Variants in UNC13B observed in about 807,000 individuals in gnomAD.
UNC13B encodes the protein protein unc-13 homolog B.
UNC13B carries 144 observed loss-of-function variants against 211.0 expected under a neutral mutation model. The ratio of observed to expected loss-of-function variants is 0.68; its 90% CI spans 0.60 to 0.78. UNC13B has a LOEUF of 0.78. Ranked by LOEUF, UNC13B falls within the 30% of genes least tolerant of loss-of-function variation. The pLI is 0.00. For missense variants in UNC13B, 1,777 were observed against 2,002.0 expected (o/e 0.89, Z 2.14); for synonymous variants, 709 against 725.8 (o/e 0.98, Z 0.37).
At chr9:35,309,727 T>A (rs1230802671) in intron 9 of UNC13B, among the ~76,000 whole-genome samples, 1 of 152,114 alleles carries the variant, frequency 6.6e-6, no homozygotes, top group Non-Finnish European at 1.5e-5. Flanking sequence ...GATCCTGGAG[T>A]TGGACTTTGT....
Position 35,376,122 on chromosome 9 carries a change from C to T in UNC13B, c.9710C>T (p.Pro3237Leu), listed in dbSNP as rs1274299119. 1.9e-6 allele frequency: 3 copies of T among 1,614,272 alleles called. No homozygotes were observed. Among genetic ancestry groups the T allele is most frequent in the Non-Finnish European group, 2.5e-6 (3 of 1,180,050 alleles). Residue 3237 changes from proline to leucine, a missense_variant, in exon 15 of 40, where the codon CCA (proline) becomes CTA (leucine). Physicochemically the swap from Pro to Leu is moderately conservative, Grantham distance 98. Coordinates refer to ENST00000635942, the MANE Select transcript of UNC13B (RefSeq NM_001371189.2). ...HNFEVWTATT[P>L]TYCYECEGLL... ...TTTGAGGTCTGGACGGCCACTACCC[C>T]AACCTACTGCTATGAGTGTGAAGGC...
At chr9:35,367,115 C>T in intron 12 of UNC13B, 122 bp downstream of exon 12, 1 of 988,640 alleles carries the variant, frequency 1.0e-6, no homozygotes, top group South Asian at 1.4e-5. Context: ...GGAAAAGGTT[C>T]CACTATAGGT....
chr9:35,234,289 A>C (rs1455330755), intron 3 of UNC13B, among the ~76,000 whole-genome samples: 1 of 152,018 alleles, frequency 6.6e-6, no homozygotes, highest in Non-Finnish European at 1.5e-5. Context: ...CTAATTAAAA[A>C]AAATTTTTCT....
rs375835964 is a variant in UNC13B at position 35,338,233 on chromosome 9, C to T, written c.9414+24244C>T. ...ACAGGCTGAAAACCTAACTGGTTAG[C>T]TGGCCAGTTCCAAGAAGTTTATCAG... On this transcript the variant is annotated intron_variant, in intron 11 of 39. Coordinates refer to ENST00000635942, the MANE Select transcript of UNC13B (RefSeq NM_001371189.2). Among the ~76,000 whole-genome samples the T allele has an allele frequency of 6.3e-4, 96 of 152,298 alleles. 1 individual carries two copies. In the South Asian group the frequency reaches 0.015, roughly 24 times the overall value.
chr9:35,306,405 C>A lies in UNC13B; in HGVS notation c.7001C>A (p.Pro2334His), dbSNP rs950981257. The change falls in exon 9 of 40, where the codon CCT (proline) becomes CAT (histidine). Residue 2334 changes from proline to histidine, a missense_variant. Pro to His is a moderately conservative substitution (Grantham distance 77, BLOSUM62 -2). Transcript: ENST00000635942. ...MNELQKDIIP[P>H]SPEFQAQAET... ...GAATTGCAAAAAGACATTATTCCTC[C>A]TTCACCAGAATTTCAGGCACAGGCT... The A allele has an allele frequency of 2.0e-5, 8 of 398,876 alleles. No homozygotes were observed. Among genetic ancestry groups the A allele is most frequent in the Non-Finnish European group, 3.1e-5 (7 of 226,062 alleles). 24.7% of individuals were successfully genotyped at this position (398,876 alleles called of 1,614,324 possible).
intron 8 of UNC13B, among the ~76,000 whole-genome samples, chr9:35,297,561 T>TTTTTTTTTTTTTTTTTTTTGTTTTTTTG: frequency 1.1e-4 from 14 of 128,226 alleles, no homozygotes; most frequent in South Asian, 2.5e-4. Context: ...TTTTTTTTTT[T>TTTTTTTTTTTTTTTTTTTTGTTTTTTTG]TTTTTTGAGA....
Position 35,396,577 on chromosome 9 carries a change from C to T in UNC13B, c.11410C>T (p.Gln3804Ter). Residue 3804 changes from glutamine (Q) to a stop codon, truncating the protein, a stop_gained, in exon 27 of 40, where the codon CAG becomes TAG. Transcript: ENST00000635942. LOFTEE classifies it high-confidence loss of function. ...NEYVRDLPVL[Q>*]GQVPEYPAWF... ...ATACGTGCGGGATCTGCCTGTCCTC[C>T]AGGGGCAGGTGCCTGAGTACCCAGC... 1 of 1,614,104 alleles carries T rather than the reference C, an allele frequency of 6.2e-7. No individual in the cohort carries two copies. Among genetic ancestry groups the T allele is most frequent in the Non-Finnish European group, 8.5e-7 (1 of 1,180,032 alleles).
chr9:35,366,421 A>G (rs1194351764), intron 11 of UNC13B, among the ~76,000 whole-genome samples: 1 of 152,154 alleles, frequency 6.6e-6, no homozygotes, highest in Non-Finnish European at 1.5e-5. Flanking sequence ...TATTAAATAG[A>G]GAGAATATAC....
intron 3 of UNC13B, among the ~76,000 whole-genome samples, chr9:35,235,449 C>T (rs974825032): frequency 4.6e-5 from 7 of 152,026 alleles, no homozygotes; most frequent in East Asian, 1.9e-4. Flanking sequence ...CCCCCCGCCC[C>T]GCCCCGGCTT....
intron 6 of UNC13B, among the ~76,000 whole-genome samples, chr9:35,255,045 T>C (rs1270045906): frequency 6.7e-5 from 8 of 119,472 alleles, no homozygotes; most frequent in Middle Eastern, 3.7e-3. Context: ...ATATATTATA[T>C]ATAATATAAT....
chr9:35,381,756 A>T (rs771098676), intron 20 of UNC13B, 37 bp downstream of exon 20: 1 of 1,603,688 alleles, frequency 6.2e-7, no homozygotes, highest in South Asian at 1.1e-5. Context: ...GTGGCTACTA[A>T]TCACTGGGGT....
At chr9:35,372,430 G>A (rs1341858400) in intron 13 of UNC13B, among the ~76,000 whole-genome samples, 1 of 152,252 alleles carries the variant, frequency 6.6e-6, no homozygotes, top group East Asian at 1.9e-4. Flanking sequence ...TAAAGCTTGG[G>A]CTTGGCAGAT....
At chr9:35,357,776 G>A (rs563105550) in intron 11 of UNC13B, among the ~76,000 whole-genome samples, 9 of 151,984 alleles carry the variant, frequency 5.9e-5, no homozygotes, top group African/African-American at 1.9e-4. Context: ...CATAAAATGT[G>A]TTATTTAAAC....
intron 1 of UNC13B, among the ~76,000 whole-genome samples, chr9:35,208,831 A>G (rs904209938): frequency 6.6e-6 from 1 of 152,122 alleles, no homozygotes. Flanking sequence ...AATCGAAACC[A>G]TATCACTCTG....
chr9:35,338,968 G>A (rs1831824815), intron 11 of UNC13B, among the ~76,000 whole-genome samples: 1 of 152,200 alleles, frequency 6.6e-6, no homozygotes, highest in African/African-American at 2.4e-5. Context: ...TGCTTTAGCT[G>A]AAGATGAATT....
chr9:35,312,104 A>G (rs889092219), intron 10 of UNC13B, among the ~76,000 whole-genome samples: 2 of 152,240 alleles, frequency 1.3e-5, no homozygotes, highest in Non-Finnish European at 2.9e-5. Context: ...GTCTCCTGAC[A>G]GATTTCCCCT....
In UNC13B at chr9:35,404,903, A is replaced by G. The variant is rs967731684; in HGVS notation, c.*870A>G. ...AAAATTGTAGAAACCAGTCTAGAAA[A>G]AGTCCTGCTCATCTGTGGCCACTGC... On this transcript the variant is annotated 3_prime_UTR_variant, in exon 40 of 40. Coordinates refer to ENST00000635942, the MANE Select transcript of UNC13B (RefSeq NM_001371189.2). The G allele has an allele frequency of 4.6e-5, 7 of 152,634 alleles. No individual in the cohort carries two copies. Among genetic ancestry groups the G allele is most frequent in the African/African-American group, 1.7e-4 (7 of 41,430 alleles). 9.5% of individuals were successfully genotyped at this position (152,634 alleles called of 1,614,324 possible). A position where few individuals can be genotyped will look rare whatever the true frequency, so the allele number is the denominator to read the frequency against.
chr9:35,289,257 G>T (rs1273182276), intron 7 of UNC13B, among the ~76,000 whole-genome samples: 1 of 152,120 alleles, frequency 6.6e-6, no homozygotes, highest in Non-Finnish European at 1.5e-5. Context: ...GCCTGGGTTG[G>T]CATCATATGA....
intron 21 of UNC13B, among the ~76,000 whole-genome samples, chr9:35,383,828 G>A (rs896209575): frequency 5.3e-5 from 8 of 152,072 alleles, no homozygotes; most frequent in Admixed American, 5.2e-4. Flanking sequence ...CTGTATAACT[G>A]TTATGCACTA....
Sources: allele counts gnomAD v4.1 joint callset (sites outside exome capture counted in the v4.1 genomes callset), GRCh38; gene constraint gnomAD v4.1.1; transcripts MANE v1.5; gene names NCBI Gene and HGNC (gene_info 2026-07-23, HGNC 2026-07-21).